The following MECOM variants were observed in gnomAD, a reference collection of about 807,000 sequenced individuals.
The protein encoded by MECOM is histone-lysine N-methyltransferase MECOM.
MECOM carries 13 observed loss-of-function variants against 116.3 expected under a neutral mutation model. The ratio of observed to expected loss-of-function variants is 0.11; its 90% CI spans 0.07 to 0.18. The LOEUF (loss-of-function observed/expected upper bound fraction) is 0.18, where lower values mean the gene tolerates loss of function less well. Ranked by LOEUF, MECOM falls within the 10% of genes least tolerant of loss-of-function variation. The probability of loss-of-function intolerance (pLI) is 1.00; values close to 1 mark genes in which losing one functional copy is unlikely to be tolerated. For missense variants in MECOM, 1,299 were observed against 1,509.0 expected (o/e 0.86, Z 2.31); for synonymous variants, 528 against 535.2 (o/e 0.99, Z 0.19).
chr3:169,534,347 T>G (rs1216682083), intron 1 of MECOM, among the ~76,000 whole-genome samples: 2 of 152,176 alleles, frequency 1.3e-5, no homozygotes, highest in African/African-American at 4.8e-5. Flanking sequence ...GTCAATTACA[T>G]ATGCTCTGGT....
chr3:169,554,178 C>G (rs916940820), intron 1 of MECOM, among the ~76,000 whole-genome samples: 1 of 152,094 alleles, frequency 6.6e-6, no homozygotes, highest in Non-Finnish European at 1.5e-5. Context: ...GATATTGACC[C>G]CCGTGATGAT....
chr3:169,565,335 G>A (rs1763109039), intron 1 of MECOM, among the ~76,000 whole-genome samples: 1 of 152,152 alleles, frequency 6.6e-6, no homozygotes, highest in Admixed American at 6.5e-5. Context: ...CAATGTGAGG[G>A]ATAACAAGGA....
At chr3:169,476,999 A>G (rs1258723723) in intron 1 of MECOM, 1 of 150,490 alleles carries the variant, frequency 6.6e-6, no homozygotes, top group Non-Finnish European at 1.5e-5. Flanking sequence ...CTATGGATAA[A>G]ATAGCTTTCT....
At chr3:169,398,490 A>C (rs895403403) in intron 1 of MECOM, among the ~76,000 whole-genome samples, 3 of 152,200 alleles carry the variant, frequency 2.0e-5, no homozygotes, top group African/African-American at 4.8e-5. Context: ...AAAATGTAGG[A>C]GGGTTAGAGT....
At chr3:169,097,004 C>G (rs541229710) in intron 12 of MECOM, among the ~76,000 whole-genome samples, 8 of 151,614 alleles carry the variant, frequency 5.3e-5, no homozygotes, top group African/African-American at 1.9e-4. Flanking sequence ...TTATGACCTT[C>G]TCTGCAATAA....
intron 1 of MECOM, among the ~76,000 whole-genome samples, chr3:169,495,151 C>G (rs1178130740): frequency 6.6e-6 from 1 of 152,132 alleles, no homozygotes; most frequent in Non-Finnish European, 1.5e-5. Flanking sequence ...TATTTTCCAA[C>G]CCGTTAATCA....
intron 1 of MECOM, among the ~76,000 whole-genome samples, chr3:169,620,779 G>T (rs536427174): frequency 6.6e-6 from 1 of 152,244 alleles, no homozygotes; most frequent in Admixed American, 6.5e-5. Context: ...AAAGCAGCCA[G>T]AGCTAGCGAT....
intron 1 of MECOM, among the ~76,000 whole-genome samples, chr3:169,441,032 G>A (rs563794299): frequency 6.6e-6 from 1 of 152,266 alleles, no homozygotes; most frequent in African/African-American, 2.4e-5. Context: ...TAATCTAGAG[G>A]AGCAGAAACT....
intron 1 of MECOM, among the ~76,000 whole-genome samples, chr3:169,479,090 AAGACAG>A (rs1750896719): frequency 6.6e-6 from 1 of 152,212 alleles, no homozygotes; most frequent in African/African-American, 2.4e-5. Flanking sequence ...TGTAGCCAGA[AAGACAG>A]ACATTAGCCA....
chr3:169,633,159 A>T (rs1772295893), intron 1 of MECOM, among the ~76,000 whole-genome samples: 1 of 152,280 alleles, frequency 6.6e-6, no homozygotes, highest in Admixed American at 6.5e-5. Context: ...CAAGCCATTG[A>T]AACTCACCAG....
chr3:169,143,506 C>T (rs1446079212), intron 3 of MECOM, among the ~76,000 whole-genome samples, 192 bp downstream of exon 3: 1 of 152,068 alleles, frequency 6.6e-6, no homozygotes, highest in Non-Finnish European at 1.5e-5. Context: ...GAATAGACTA[C>T]CCAAAGAATG....
intron 2 of MECOM, among the ~76,000 whole-genome samples, chr3:169,332,571 C>A (rs1002636267): frequency 6.6e-6 from 1 of 151,954 alleles, no homozygotes; most frequent in Non-Finnish European, 1.5e-5. Context: ...ATGGTTTACA[C>A]AATATAAGGG....
At chr3:169,107,168 T>C (rs1245074680) in intron 10 of MECOM, among the ~76,000 whole-genome samples, 1 of 152,162 alleles carries the variant, frequency 6.6e-6, no homozygotes, top group Admixed American at 6.6e-5. Flanking sequence ...ATCAGCATAA[T>C]TTTCAGTGAA....
chr3:169,439,047 G>T (rs1055861316), intron 1 of MECOM, among the ~76,000 whole-genome samples: 19 of 149,862 alleles, frequency 1.3e-4, no homozygotes, highest in Middle Eastern at 3.6e-3. Flanking sequence ...GGAAAGAAAA[G>T]ACAAGCTAGG....
intron 2 of MECOM, among the ~76,000 whole-genome samples, chr3:169,296,499 T>G (rs1325132447): frequency 6.6e-6 from 1 of 152,172 alleles, no homozygotes; most frequent in Non-Finnish European, 1.5e-5. Context: ...TCCACACAAG[T>G]TCTTTGTAGA....
At chr3:169,374,928 T>G (rs1419348140) in intron 2 of MECOM, among the ~76,000 whole-genome samples, 1 of 151,870 alleles carries the variant, frequency 6.6e-6, no homozygotes, top group Non-Finnish European at 1.5e-5. Flanking sequence ...TCCTAGCTAC[T>G]TGGAAGACTG....
At chr3:169,552,246 A>G (rs1761494764) in intron 1 of MECOM, among the ~76,000 whole-genome samples, 1 of 149,746 alleles carries the variant, frequency 6.7e-6, no homozygotes, top group Admixed American at 6.8e-5. Flanking sequence ...CGTAGTCAGG[A>G]TTTATGTTTA....
intron 1 of MECOM, among the ~76,000 whole-genome samples, chr3:169,425,460 T>C (rs1740490169): frequency 6.6e-6 from 1 of 152,148 alleles, no homozygotes; most frequent in South Asian, 2.1e-4. Context: ...GAAATTCCAT[T>C]TACAGAAATA....
At chr3:169,427,238 CA>C (rs1740882702) in intron 1 of MECOM, among the ~76,000 whole-genome samples, 1 of 142,892 alleles carries the variant, frequency 7.0e-6, no homozygotes, top group Admixed American at 6.8e-5. Context: ...CATTTAAAGT[CA>C]CAGAGCTATG....
Sources: gnomAD v4.1 joint callset for allele counts (sites outside exome capture counted in the v4.1 genomes callset) on GRCh38, gnomAD v4.1.1 for gene constraint, MANE v1.5 for transcripts, NCBI Gene and HGNC (gene_info 2026-07-23, HGNC 2026-07-21) for gene names.